Variants in USP7 observed in about 807,000 individuals in gnomAD.
The protein encoded by USP7 is ubiquitin C-terminal hydrolase 7.
In USP7, 9 loss-of-function variants were observed where a neutral mutation model predicts 162.9. That is an observed-to-expected ratio of 0.06 (90% CI 0.03 to 0.10). USP7 has a LOEUF of 0.10. Among genes scored for constraint, USP7 ranks in the 10% least tolerant of loss-of-function variants. The pLI, the probability that USP7 is intolerant of heterozygous loss-of-function variation, is 1.00. For missense variants in USP7, 715 were observed against 1,373.7 expected, an observed-to-expected ratio of 0.52 and a Z score of 7.58; for synonymous variants, 562 against 475.9, an observed-to-expected ratio of 1.18 and a Z score of -2.35.
At chr16:8,896,382 T>C (rs11801) in intron 26 of USP7, among the ~76,000 whole-genome samples, 50,965 of 152,044 alleles carry the variant, frequency 0.34, 8,810 homozygotes, top group Middle Eastern at 0.43. Flanking sequence ...TATTAGGTAA[T>C]AGATTAGGGT....
At chr16:8,918,228 C>A (rs1897486350) in intron 6 of USP7, among the ~76,000 whole-genome samples, 1 of 152,162 alleles carries the variant, frequency 6.6e-6, no homozygotes, top group Non-Finnish European at 1.5e-5. Flanking sequence ...TGCAAACATG[C>A]CTTGAAGGAT....
In USP7 at chr16:8,899,739, A is replaced by G. The variant is rs768359877; in HGVS notation, c.2328T>C (p.Asp776=). Residue 776 remains aspartate (D), a synonymous_variant, in exon 22 of 31, where the codon GAT becomes GAC. Transcript: ENST00000344836. ...IVFQKDDPEN[D]NSELPTAKEY... is the part of the protein sequence containing the mutation. Reference sequence around the variant, plus strand: ...CCTTTGCGGTGGGTAATTCACTGTTATCATTTTCAGGGTCATCCCTGGTGG... The same window carrying G: ...CCTTTGCGGTGGGTAATTCACTGTTGTCATTTTCAGGGTCATCCCTGGTGG... 6.2e-7 allele frequency: 1 copy of G among 1,614,230 alleles called. No homozygotes were observed. Among genetic ancestry groups the G allele is most frequent in the Admixed American group, 1.7e-5 (1 of 60,018 alleles).
At chr16:8,904,221 T>C (rs192230524) in intron 15 of USP7, among the ~76,000 whole-genome samples, 1 of 152,212 alleles carries the variant, frequency 6.6e-6, no homozygotes, top group Admixed American at 6.5e-5. Context: ...GGAGAGCACG[T>C]GGAGCAGCTT....
intron 1 of USP7, among the ~76,000 whole-genome samples, chr16:8,957,562 A>G (rs998578593): frequency 4.0e-5 from 6 of 151,826 alleles, no homozygotes; most frequent in African/African-American, 1.2e-4. Context: ...TGAACATAGC[A>G]AGACCCCATC....
At chr16:8,919,988 C>G (rs143971123) in intron 5 of USP7, among the ~76,000 whole-genome samples, 3 of 152,186 alleles carry the variant, frequency 2.0e-5, no homozygotes, top group Non-Finnish European at 2.9e-5. Context: ...CCAGTCCCCC[C>G]TTCCTCACAC....
chr16:8,926,966 G>C (rs1231342883), intron 2 of USP7, among the ~76,000 whole-genome samples: 1 of 152,168 alleles, frequency 6.6e-6, no homozygotes, highest in Non-Finnish European at 1.5e-5. Flanking sequence ...CTTTGTTACA[G>C]CAATTTTATC....
Position 8,917,032 on chromosome 16 carries a change from G to T in USP7, c.845C>A (p.Ser282Ter). Residue 282 changes from serine to a stop codon, truncating the protein, a stop_gained, in exon 7 of 31, where the codon TCA (serine) becomes TAA (stop). Coordinates refer to ENST00000344836, the MANE Select transcript of USP7 (RefSeq NM_003470.3). LOFTEE classifies it high-confidence loss of function. ...GCAGATGTCTAATACATACCCAAAT[G>T]ACTTTGTTAACTTTTTTGTTCCTAC... The part of the protein sequence containing the change: ...KPVGTKKLTK[S>*]FGWETLDSFM... 6.3e-7 allele frequency: 1 copy of T among 1,595,136 alleles called. No homozygotes were observed. Among genetic ancestry groups the T allele is most frequent in the South Asian group, 1.1e-5 (1 of 87,716 alleles).
intron 1 of USP7, among the ~76,000 whole-genome samples, chr16:8,957,682 C>G (rs928472902): frequency 1.3e-5 from 2 of 151,478 alleles, no homozygotes; most frequent in Non-Finnish European, 1.5e-5. Flanking sequence ...CACCTGAGCC[C>G]GGAAGTTTAA....
intron 18 of USP7, 77 bp from the exon 19 acceptor site, chr16:8,901,311 C>CA (rs1178554072): frequency 3.0e-5 from 26 of 856,800 alleles, no homozygotes; most frequent in South Asian, 1.8e-4. Context: ...AACAAACAAA[C>CA]AAAAAAACGA....
At chr16:8,939,169 G>A (rs1290105948) in intron 1 of USP7, among the ~76,000 whole-genome samples, 1 of 152,172 alleles carries the variant, frequency 6.6e-6, no homozygotes, top group African/African-American at 2.4e-5. Flanking sequence ...TTACTGTGTA[G>A]ATTTGTGTGT....
chr16:8,894,311 C>T (rs1314290924), intron 30 of USP7, among the ~76,000 whole-genome samples: 1 of 152,202 alleles, frequency 6.6e-6, no homozygotes, highest in African/African-American at 2.4e-5. Context: ...AACCCTGAGT[C>T]TCAATCACCC....
intron 23 of USP7, 52 bp downstream of exon 23, chr16:8,899,069 C>T: frequency 6.4e-7 from 1 of 1,560,644 alleles, no homozygotes; most frequent in South Asian, 1.2e-5. Context: ...TTTCAATGAA[C>T]TGTGGAAAGC....
chr16:8,918,359 A>T (rs938997863), intron 6 of USP7, among the ~76,000 whole-genome samples: 3 of 152,248 alleles, frequency 2.0e-5, no homozygotes, highest in African/African-American at 7.2e-5. Flanking sequence ...GATTTAATGT[A>T]TGTCTATTCT....
chr16:8,939,176 G>C (rs1333841104), intron 1 of USP7, among the ~76,000 whole-genome samples: 1 of 152,008 alleles, frequency 6.6e-6, no homozygotes, highest in East Asian at 1.9e-4. Flanking sequence ...GTAGATTTGT[G>C]TGTCCACTAC....
intron 10 of USP7, among the ~76,000 whole-genome samples, chr16:8,911,944 T>C (rs1420451829): frequency 6.6e-6 from 1 of 152,184 alleles, no homozygotes; most frequent in African/African-American, 2.4e-5. Flanking sequence ...GCTGAACACC[T>C]GGGAGACTCA....
At chr16:8,954,328 C>A (rs1205757135) in intron 1 of USP7, among the ~76,000 whole-genome samples, 3 of 152,200 alleles carry the variant, frequency 2.0e-5, no homozygotes, top group Non-Finnish European at 2.9e-5. Flanking sequence ...GCCTTAGATA[C>A]CTTTTTAAGA....
Position 8,915,338 on chromosome 16 carries a change from T to C in USP7, c.994A>G (p.Ile332Val). Residue 332 changes from isoleucine (I) to valine (V), a missense_variant, in exon 10 of 31, where the codon ATC becomes GTC. Around this residue, in one of 11 missense-constraint regions of USP7, gnomAD observed 15 missense variants for 27.0 expected, o/e 0.56. Transcript: ENST00000344836. Reference sequence around the variant, plus strand: ...CGATAGTCTACTTCTTTACACTGGATATAGGACTGCAAATAAGGAAAGTAA... The same window carrying C: ...CGATAGTCTACTTCTTTACACTGGACATAGGACTGCAAATAAGGAAAGTAA... ...KLFRGKMVSYIQCKEVDYRSD... is the reference protein window; with the variant it reads ...KLFRGKMVSYVQCKEVDYRSD... 1.2e-6 allele frequency: 2 copies of C among 1,613,636 alleles called. No homozygotes were observed. The highest frequency in any genetic ancestry group is 2.2e-5 in the East Asian group (1 of 44,850).
intron 1 of USP7, chr16:8,936,712 CATTCTTTTTT>C: frequency 7.0e-7 from 1 of 1,425,328 alleles, no homozygotes; most frequent in South Asian, 1.4e-5. Context: ...TCTACCTCAG[CATTCTTTTTT>C]ATTTTTTAAA....
rs141341045 is a variant in USP7, at chr16:8,927,095, G to A, written c.184+3198C>T. ...TCTGGGAGGCCGGGGTGGGCGAGGC[G>A]AATCATGAGGTCAGGAGTGCGAGAC... On this transcript the variant is annotated intron_variant, in intron 2 of 30. Coordinates refer to ENST00000344836, the MANE Select transcript of USP7 (RefSeq NM_003470.3). Among the ~76,000 whole-genome samples the A allele has an allele frequency of 2.8e-3, 421 of 152,218 alleles. 2 individuals are homozygous for A. Among genetic ancestry groups the A allele is most frequent in the African/African-American group, 9.3e-3 (387 of 41,534 alleles).
Sources: allele counts gnomAD v4.1 joint callset (sites outside exome capture counted in the v4.1 genomes callset), GRCh38; gene constraint gnomAD v4.1.1; regional missense constraint gnomAD v4.1.1; transcripts MANE v1.5; gene names NCBI Gene and HGNC (gene_info 2026-07-23, HGNC 2026-07-21).